The following NTRK3 variants were observed in gnomAD, a reference collection of about 807,000 sequenced individuals.
NTRK3 encodes NT-3 growth factor receptor.
A neutral mutation model predicts 91.7 loss-of-function variants in NTRK3; 24 were observed. That is an observed-to-expected ratio of 0.26 (90% confidence interval 0.19 to 0.37). NTRK3 has a LOEUF of 0.37. NTRK3 is among the 10% of genes least tolerant of loss of function. The pLI is 1.00. For missense variants in NTRK3, 880 were observed against 1,068.9 expected, an observed-to-expected ratio of 0.82 and a Z score of 2.46; for synonymous variants, 483 against 404.0, an observed-to-expected ratio of 1.20 and a Z score of -2.34.
At chr15:87,986,980 A>G (rs149519080) in intron 14 of NTRK3, among the ~76,000 whole-genome samples, 1,912 of 152,374 alleles carry the variant, frequency 0.013, 20 homozygotes, top group Middle Eastern at 0.034. Context: ...GCCCTTGGCC[A>G]ATGAGTGATA....
chr15:87,895,676 T>C (rs8040956), intron 17 of NTRK3, among the ~76,000 whole-genome samples: 106,662 of 151,580 alleles, frequency 0.7, 37,607 homozygotes, highest in Non-Finnish European at 0.73. Context: ...CCAGGCACCC[T>C]TTTAGGTCTG....
intron 14 of NTRK3, among the ~76,000 whole-genome samples, chr15:87,998,107 T>G (rs534199566): frequency 1.3e-4 from 20 of 152,332 alleles, no homozygotes; most frequent in Non-Finnish European, 2.8e-4. Context: ...GCAGTATCCC[T>G]GGTCTCTCCT....
chr15:87,923,828 T>C (rs983988580), intron 17 of NTRK3, among the ~76,000 whole-genome samples: 7 of 152,134 alleles, frequency 4.6e-5, no homozygotes, highest in African/African-American at 1.7e-4. Context: ...AGTGGGTTTG[T>C]TATCACAAGA....
chr15:87,990,722 G>C (rs187817939), intron 14 of NTRK3, among the ~76,000 whole-genome samples: 1 of 152,130 alleles, frequency 6.6e-6, no homozygotes, highest in East Asian at 1.9e-4. Context: ...TTCTGCCTTT[G>C]CTGTTATATT....
intron 6 of NTRK3, among the ~76,000 whole-genome samples, chr15:88,146,777 A>AG (rs2042927410): frequency 6.6e-6 from 1 of 152,174 alleles, no homozygotes; most frequent in Admixed American, 6.5e-5. Flanking sequence ...AAGCTGAAGA[A>AG]GATTATGAGT....
At chr15:88,059,188 T>C (rs543518306) in intron 13 of NTRK3, among the ~76,000 whole-genome samples, 1 of 152,264 alleles carries the variant, frequency 6.6e-6, no homozygotes, top group East Asian at 1.9e-4. Context: ...AAGAATTTGA[T>C]GAGCACCCGA....
rs188200570 is a variant in NTRK3, at chr15:87,962,261, T to G, written c.1586-21508A>C. Among the ~76,000 whole-genome samples the G allele has an allele frequency of 2.6e-5, 4 of 152,302 alleles. No individual in the cohort carries two copies. In the East Asian group the frequency reaches 7.7e-4, roughly 29 times the overall value. The stretch of plus-strand genomic sequence containing the variant: ...TCTTTCTGCATCATCTGCTCTGCTG[T>G]CTAAAGACCTTTCCTTCCCCCAGGA... On this transcript the variant is annotated intron_variant, in intron 14 of 18. Coordinates refer to ENST00000394480, the Ensembl canonical transcript of NTRK3.
chr15:87,939,479 G>C (rs1567130546), intron 15 of NTRK3, among the ~76,000 whole-genome samples: 1 of 152,194 alleles, frequency 6.6e-6, no homozygotes, highest in Non-Finnish European at 1.5e-5. Flanking sequence ...CCCATGCTAT[G>C]CCTGCACTGT....
At chr15:88,184,751 G>A (rs576846621) in intron 3 of NTRK3, among the ~76,000 whole-genome samples, 11 of 152,266 alleles carry the variant, frequency 7.2e-5, no homozygotes, top group African/African-American at 2.4e-4. Flanking sequence ...CGGGGTGGCC[G>A]GCTGGCCAGT....
At chr15:88,142,765 G>C (rs2042511396) in intron 6 of NTRK3, among the ~76,000 whole-genome samples, 1 of 152,200 alleles carries the variant, frequency 6.6e-6, no homozygotes, top group Non-Finnish European at 1.5e-5. Context: ...GGGTTTAGTT[G>C]AGTCCTCCCA....
chr15:88,135,554 G>A (rs2041794215), intron 9 of NTRK3, among the ~76,000 whole-genome samples, 157 bp from the exon 10 acceptor site: 1 of 152,198 alleles, frequency 6.6e-6, no homozygotes, highest in Admixed American at 6.5e-5. Context: ...CAGAGGGGAA[G>A]AGATGTCTGT....
intron 5 of NTRK3, among the ~76,000 whole-genome samples, chr15:88,156,749 G>A (rs1269868819): frequency 2.0e-5 from 3 of 152,200 alleles, no homozygotes; most frequent in Non-Finnish European, 4.4e-5. Flanking sequence ...GGCCTGGAGT[G>A]ACAGCTGTGC....
At chr15:88,218,201 C>T (rs2049954085) in intron 3 of NTRK3, among the ~76,000 whole-genome samples, 1 of 152,168 alleles carries the variant, frequency 6.6e-6, no homozygotes, top group African/African-American at 2.4e-5. Flanking sequence ...GAAATGGGAG[C>T]ATCTGCCTTT....
At chr15:88,081,395 C>T (rs577752125) in intron 13 of NTRK3, among the ~76,000 whole-genome samples, 1 of 152,326 alleles carries the variant, frequency 6.6e-6, no homozygotes, top group East Asian at 1.9e-4. Context: ...ACTGCCGTCA[C>T]ATTTTGTCCA....
chr15:88,057,175 A>G (rs2045785180), intron 13 of NTRK3, among the ~76,000 whole-genome samples: 1 of 149,642 alleles, frequency 6.7e-6, no homozygotes, highest in Admixed American at 6.7e-5. Flanking sequence ...TCTCAAAAAA[A>G]AAAAAAAAGA....
At chr15:87,921,891 A>G (rs1472677480) in intron 17 of NTRK3, among the ~76,000 whole-genome samples, 2 of 152,098 alleles carry the variant, frequency 1.3e-5, no homozygotes, top group Non-Finnish European at 1.5e-5. Flanking sequence ...TAAAAAAAAA[A>G]AAAACTATTG....
chr15:87,900,730 T>TGTGTGTGC (rs1292724469), intron 17 of NTRK3, among the ~76,000 whole-genome samples: 7 of 150,768 alleles, frequency 4.6e-5, no homozygotes, highest in African/African-American at 1.7e-4. Flanking sequence ...TGTGTGTGTG[T>TGTGTGTGC]GCTGTAGGCA....
intron 14 of NTRK3, among the ~76,000 whole-genome samples, chr15:88,012,935 T>C (rs2141790592): frequency 6.6e-6 from 1 of 152,352 alleles, no homozygotes; most frequent in Middle Eastern, 3.4e-3. Flanking sequence ...CTGATGCTGC[T>C]GGTCTGCACA....
At chr15:87,917,238 T>C (rs1351324040) in intron 17 of NTRK3, among the ~76,000 whole-genome samples, 2 of 152,174 alleles carry the variant, frequency 1.3e-5, no homozygotes, top group Non-Finnish European at 2.9e-5. Flanking sequence ...TTCTAAAGAA[T>C]GTTAATAATT....
Sources: allele counts gnomAD v4.1 joint callset (sites outside exome capture counted in the v4.1 genomes callset), GRCh38; gene constraint gnomAD v4.1.1; transcripts MANE v1.5; gene names NCBI Gene and HGNC (gene_info 2026-07-23, HGNC 2026-07-21).